Variants in HMOX1 observed in about 807,000 individuals in gnomAD.
HMOX1 encodes the protein heme oxygenase 1, also known as heat shock protein, 32-kD.
A neutral mutation model predicts 27.8 loss-of-function variants in HMOX1; 22 were observed. The ratio of observed to expected loss-of-function variants is 0.79; its 90% CI spans 0.57 to 1.13. HMOX1 has a LOEUF of 1.13. Among genes scored for constraint, HMOX1 ranks in the 50% most tolerant of loss-of-function variants. The probability of loss-of-function intolerance (pLI) is 0.00; values close to 1 mark genes in which losing one functional copy is unlikely to be tolerated. For missense variants in HMOX1, 379 were observed against 377.7 expected (o/e 1.00, Z -0.03); for synonymous variants, 153 against 151.6 (o/e 1.01, Z -0.07).
At position 35,383,225 on chromosome 22, in the gene HMOX1, AGGTATGTGGCTTGGTGGGACTAGCCCT is replaced by A; in HGVS notation, c.144+3_144+29del. On this transcript the variant is annotated splice_donor_variant and splice_donor_5th_base_variant and coding_sequence_variant and intron_variant, in exon 2 of 5. Transcript: ENST00000216117. LOFTEE classifies it high-confidence loss of function. ...GGCCAGGTGACCCGAGACGGCTTCA[AGGTATGTGGCTTGGTGGGACTAGCCCT>A]GGTGGAGGGTGTGGCAGGTGTGGGT... The A allele has an allele frequency of 6.2e-7, 1 of 1,613,296 alleles. No homozygotes were observed. Among genetic ancestry groups the A allele is most frequent in the Non-Finnish European group, 8.5e-7 (1 of 1,179,440 alleles).
chr22:35,388,252 A>C (rs1049061109), intron 3 of HMOX1, among the ~76,000 whole-genome samples: 1 of 151,966 alleles, frequency 6.6e-6, no homozygotes, highest in African/African-American at 2.4e-5. Context: ...GGAGTTTGAG[A>C]CCAGCCCTGG....
chr22:35,389,391 C>CCTTTCTTCCTTT (rs1227436663), intron 3 of HMOX1, among the ~76,000 whole-genome samples: 2 of 49,796 alleles, frequency 4.0e-5, no homozygotes, highest in Admixed American at 1.7e-4. Flanking sequence ...TTCCTTCCTT[C>CCTTTCTTCCTTT]CTTCCTTTCT....
Position 35,393,671 on chromosome 22 carries a change from C to CTT in HMOX1, c.*74_*75dup. 6.3e-7 allele frequency: 1 copy of CTT among 1,590,946 alleles called. No homozygotes were observed. The highest frequency in any genetic ancestry group is 2.2e-5 in the East Asian group (1 of 44,680). ...GCCTTCTTTCTAGAGAGGGAATTCT[C>CTT]TTGGCTGGCTTCCTTACCGTGGGCA... On this transcript the variant is annotated 3_prime_UTR_variant, in exon 5 of 5. Transcript: ENST00000216117.
In HMOX1 at chr22:35,383,124, AGAGGCCCTGAAG is replaced by A; in HGVS notation, c.49_60del (p.Leu17_Ala20del). 6.2e-7 allele frequency: 1 copy of A among 1,613,732 alleles called. No individual in the cohort carries two copies. Among genetic ancestry groups the A allele is most frequent in the Non-Finnish European group, 8.5e-7 (1 of 1,179,720 alleles). On this transcript the variant is annotated inframe_deletion, in exon 2 of 5. Coordinates refer to ENST00000216117, the MANE Select transcript of HMOX1 (RefSeq NM_002133.3). ...TCCTCAGCATGCCCCAGGATTTGTC[AGAGGCCCTGAAG>A]GAGGCCACCAAGGAGGTGCACACCC... is the stretch of plus-strand genomic sequence containing the variant.
chr22:35,385,213 G>C (rs17884268), intron 2 of HMOX1, among the ~76,000 whole-genome samples: 2 of 152,058 alleles, frequency 1.3e-5, no homozygotes, highest in East Asian at 3.9e-4. Flanking sequence ...GTGCCCTGTA[G>C]TTGGTTACGC....
chr22:35,389,517 A>T lies in HMOX1; in HGVS notation c.637-347A>T, dbSNP rs532903803. ...GAGTGCAATGGGGCGATCTTGGCTC[A>T]CTGCAACCTCAGCTTCCCAGGTTCA... On this transcript the variant is annotated intron_variant, in intron 3 of 4. Coordinates refer to ENST00000216117, the MANE Select transcript of HMOX1 (RefSeq NM_002133.3). Among the ~76,000 whole-genome samples the T allele has an allele frequency of 2.0e-4, 30 of 149,612 alleles. No individual in the cohort carries two copies. The South Asian group carries it at 5.9e-3, about 30-fold the overall frequency.
rs530785590 is a variant in HMOX1 at position 35,394,181 on chromosome 22, A to G, written c.*583A>G. 10 of 173,136 alleles carry G rather than the reference A, an allele frequency of 5.8e-5. No individual in the cohort carries two copies. The South Asian group carries it at 8.0e-4, about 14-fold the overall frequency. 10.7% of individuals were successfully genotyped at this position (173,136 alleles called of 1,614,324 possible). Reference sequence around the variant, plus strand: ...TGGCCTTGGTCTAACTTTTGTGTGAAATAATAAACAACATTGTCTGATAGT... The same window carrying G: ...TGGCCTTGGTCTAACTTTTGTGTGAGATAATAAACAACATTGTCTGATAGT... On this transcript the variant is annotated 3_prime_UTR_variant, in exon 5 of 5. Transcript: ENST00000216117.
At position 35,383,215 on chromosome 22, in the gene HMOX1, G is replaced by A. The variant is rs1931425098; in HGVS notation, c.133G>A (p.Asp45Asn). 6.2e-7 allele frequency: 1 copy of A among 1,613,612 alleles called. No homozygotes were observed. Among genetic ancestry groups the A allele is most frequent in the Non-Finnish European group, 8.5e-7 (1 of 1,179,710 alleles). ...CTTTCAGAAGGGCCAGGTGACCCGAGACGGCTTCAAGGTATGTGGCTTGGT... is the reference window on the plus strand; with the variant it reads ...CTTTCAGAAGGGCCAGGTGACCCGAAACGGCTTCAAGGTATGTGGCTTGGT... ...RNFQKGQVTR[D>N]GFKLVMASLY... Residue 45 changes from aspartate (D) to asparagine (N), a missense_variant, in exon 2 of 5, where the codon GAC (aspartate) becomes AAC (asparagine). By Grantham distance (23) the Asp-to-Asn change is conservative. Transcript: ENST00000216117.
intron 3 of HMOX1, among the ~76,000 whole-genome samples, chr22:35,387,464 A>T (rs1224782804): frequency 6.6e-6 from 1 of 152,232 alleles, no homozygotes; most frequent in Non-Finnish European, 1.5e-5. Flanking sequence ...GCACAGAGGA[A>T]GCCCTCAAAC....
In HMOX1 at chr22:35,389,919, C is replaced by T; in HGVS notation, c.692C>T (p.Ser231Leu). 6.2e-7 allele frequency: 1 copy of T among 1,612,164 alleles called. No homozygotes were observed. The highest frequency in any genetic ancestry group is 8.5e-7 in the Non-Finnish European group (1 of 1,179,776). Residue 231 changes from serine to leucine, a missense_variant, in exon 4 of 5, where the codon TCA becomes TTA. Coordinates refer to ENST00000216117, the MANE Select transcript of HMOX1 (RefSeq NM_002133.3). The part of the protein sequence containing the change: ...LTHDTKDQSP[S>L]RAPGLRQRAS... ...CATGACACCAAGGACCAGAGCCCCT[C>T]ACGGGCACCAGGGCTTCGCCAGCGG... is the stretch of plus-strand genomic sequence containing the variant.
Position 35,393,786 on chromosome 22 carries a change from C to A in HMOX1, c.*188C>A. The A allele has an allele frequency of 1.4e-6, 1 of 701,392 alleles. No individual in the cohort carries two copies. The allele number at this position is 701,392 out of a possible 1,614,324, so 43.4% of individuals were successfully genotyped here. A position where few individuals can be genotyped will look rare whatever the true frequency, so the allele number is the denominator to read the frequency against. ...CTATGGCATCTTCCCCAACGAAAAG[C>A]ACATCCAGGCAATGGCCTAAACTTC... On this transcript the variant is annotated 3_prime_UTR_variant, in exon 5 of 5. Coordinates refer to ENST00000216117, the MANE Select transcript of HMOX1 (RefSeq NM_002133.3).
At chr22:35,389,339 T>TC (rs1931623621) in intron 3 of HMOX1, among the ~76,000 whole-genome samples, 13 of 107,936 alleles carry the variant, frequency 1.2e-4, no homozygotes, top group African/African-American at 5.9e-4. Context: ...TCTTTCTTTC[T>TC]TCTCCTTCCT....
At chr22:35,383,439 G>C (rs1464670476) in intron 2 of HMOX1, among the ~76,000 whole-genome samples, 2 of 152,204 alleles carry the variant, frequency 1.3e-5, no homozygotes, top group Non-Finnish European at 2.9e-5. Context: ...ATGTTGTGGA[G>C]GGGCTGGGGC....
At chr22:35,382,722 G>A (rs1432784022) in intron 1 of HMOX1, among the ~76,000 whole-genome samples, 1 of 150,032 alleles carries the variant, frequency 6.7e-6, no homozygotes, top group Admixed American at 6.7e-5. Context: ...AGTCTGGAGT[G>A]CAGTGGTGTG....
rs1931519802 is a variant in HMOX1 at position 35,386,825 on chromosome 22, C to T, written c.285C>T (p.Phe95=). 1 of 1,614,094 alleles carries T rather than the reference C, an allele frequency of 6.2e-7. No homozygotes were observed. The highest frequency in any genetic ancestry group is 1.7e-5 in the Admixed American group (1 of 60,008). ...RKAALEQDLA[F]WYGPRWQEVI... ...CTGCCCTGGAGCAGGACCTGGCCTT[C>T]TGGTACGGGCCCCGCTGGCAGGAGG... Residue 95 remains phenylalanine (F), a synonymous_variant, in exon 3 of 5, where the codon TTC becomes TTT. Transcript: ENST00000216117.
At chr22:35,385,940 AT>A (rs981294885) in intron 2 of HMOX1, among the ~76,000 whole-genome samples, 29 of 134,944 alleles carry the variant, frequency 2.1e-4, no homozygotes, top group Admixed American at 3.9e-4. Flanking sequence ...TGGCTAGTTT[AT>A]TTATTTATTT....
At position 35,393,588 on chromosome 22, in the gene HMOX1, A is replaced by T. The variant is rs1931782217; in HGVS notation, c.857A>T (p.Tyr286Phe). The T allele has an allele frequency of 6.2e-7, 1 of 1,614,026 alleles. No homozygotes were observed. Among genetic ancestry groups the T allele is most frequent in the Admixed American group, 1.7e-5 (1 of 60,004 alleles). The change falls in exon 5 of 5, where the codon TAT becomes TTT. Residue 286 changes from tyrosine to phenylalanine, a missense_variant. Transcript: ENST00000216117. The stretch of plus-strand genomic sequence containing the variant: ...GTGGCGACAGTTGCTGTAGGGCTTT[A>T]TGCCATGTGAATGCAGGCATGCTGG... Reference protein sequence around the residue: ...FLVATVAVGLYAM With the variant: ...FLVATVAVGLFAM
intron 4 of HMOX1, among the ~76,000 whole-genome samples, chr22:35,392,878 G>A (rs1041544409): frequency 3.9e-5 from 6 of 151,998 alleles, no homozygotes; most frequent in South Asian, 2.1e-4. Flanking sequence ...AACCATACCC[G>A]GCTAATTTTT....
rs1555901538 is a variant in HMOX1 at position 35,389,229 on chromosome 22, C to CTTTCTTTCTTTCTT, written c.637-624_637-623insCTTTTTCTTTCTTT. On this transcript the variant is annotated intron_variant, in intron 3 of 4. Transcript: ENST00000216117. Reference sequence around the variant, plus strand: ...TCTTTCTTTCTCTCTTTCTTTCTTTCTTTCTTTCTTTTTCTTTCTTTTCTC... The same window carrying CTTTCTTTCTTTCTT: ...TCTTTCTTTCTCTCTTTCTTTCTTTCTTTCTTTCTTTCTTTTTCTTTCTTTTTCTTTCTTTTCTC... Among the ~76,000 whole-genome samples, 749 of 116,874 alleles carry CTTTCTTTCTTTCTT rather than the reference C, an allele frequency of 6.4e-3. 50 individuals carry two copies. Among genetic ancestry groups the CTTTCTTTCTTTCTT allele is most frequent in the African/African-American group, 0.037 (694 of 18,934 alleles). The allele number at this position is 116,874 out of a possible 152,430, so 76.7% of individuals were successfully genotyped here.
Sources: gnomAD v4.1 joint callset for allele counts (sites outside exome capture counted in the v4.1 genomes callset) on GRCh38, gnomAD v4.1.1 for gene constraint, MANE v1.5 for transcripts, NCBI Gene and HGNC (gene_info 2026-07-23, HGNC 2026-07-21) for gene names.